The following DACH1 variants were observed in gnomAD, a reference collection of about 807,000 sequenced individuals.
The protein encoded by DACH1 is dachshund family transcription factor 1.
A neutral mutation model predicts 54.2 loss-of-function variants in DACH1; 12 were observed. That is an observed-to-expected ratio of 0.22 (90% CI 0.14 to 0.36). DACH1 has a LOEUF of 0.36. Ranked by LOEUF, DACH1 falls within the 10% of genes least tolerant of loss-of-function variation. DACH1 has a pLI of 1.00. For synonymous variants in DACH1, 386 were observed against 366.2 expected, an observed-to-expected ratio of 1.05 and a Z score of -0.62; for missense variants, 805 against 929.8, an observed-to-expected ratio of 0.87 and a Z score of 1.75.
intron 1 of DACH1, among the ~76,000 whole-genome samples, chr13:71,792,785 C>T (rs1351175927): frequency 6.6e-6 from 1 of 152,088 alleles, no homozygotes; most frequent in Non-Finnish European, 1.5e-5. Context: ...TCTTTGCTCT[C>T]AGTGTTAATA....
intron 2 of DACH1, among the ~76,000 whole-genome samples, chr13:71,632,771 C>A (rs1877207977): frequency 6.6e-6 from 1 of 152,066 alleles, no homozygotes; most frequent in Non-Finnish European, 1.5e-5. Context: ...TGATAATCAC[C>A]CCTTAAAAGG....
chr13:71,663,949 C>T (rs942438545), intron 2 of DACH1, among the ~76,000 whole-genome samples: 5 of 151,870 alleles, frequency 3.3e-5, no homozygotes, highest in African/African-American at 1.2e-4. Flanking sequence ...GGAAACAGTA[C>T]ACTGAGGTTT....
intron 1 of DACH1, among the ~76,000 whole-genome samples, chr13:71,809,139 C>T (rs997011203): frequency 6.6e-6 from 1 of 152,108 alleles, no homozygotes; most frequent in Non-Finnish European, 1.5e-5. Context: ...CTATCTAAAT[C>T]TTTCATGTGA....
chr13:71,552,838 TATATA>T (rs1883953304), intron 6 of DACH1, among the ~76,000 whole-genome samples: 9 of 21,624 alleles, frequency 4.2e-4, no homozygotes, highest in Non-Finnish European at 1.7e-4. Context: ...TATATATATA[TATATA>T]GAGAGAGAGA....
chr13:71,864,175 G>GCA (rs1207375809), intron 1 of DACH1, among the ~76,000 whole-genome samples: 2 of 96,994 alleles, frequency 2.1e-5, no homozygotes, highest in African/African-American at 1.1e-4. Context: ...GCGCGCGCGC[G>GCA]CACATACACA....
chr13:71,576,768 ATC>A (rs1009545082), intron 3 of DACH1, among the ~76,000 whole-genome samples: 1 of 152,108 alleles, frequency 6.6e-6, no homozygotes, highest in African/African-American at 2.4e-5. Flanking sequence ...GTTAACTGTC[ATC>A]TCTGCTTCCC....
intron 1 of DACH1, among the ~76,000 whole-genome samples, chr13:71,772,015 C>G (rs941001978): frequency 6.6e-6 from 1 of 151,392 alleles, no homozygotes; most frequent in Non-Finnish European, 1.5e-5. Context: ...ATTTACTATC[C>G]TTAAAAGGGT....
chr13:71,475,697 C>T lies in DACH1; in HGVS notation c.2014+9G>A. The T allele has an allele frequency of 1.9e-6, 3 of 1,606,798 alleles. No individual in the cohort carries two copies. The highest frequency in any genetic ancestry group is 2.5e-6 in the Non-Finnish European group (3 of 1,177,914). ...ACAGTTATTCATGCAATAATATACA[C>T]CCTCTTACCATTTAAGACCCTGAGA... On this transcript the variant is annotated intron_variant, in intron 9 of 10. Coordinates refer to ENST00000613252, the MANE Select transcript of DACH1 (RefSeq NM_080759.6).
intron 3 of DACH1, among the ~76,000 whole-genome samples, chr13:71,588,415 A>G (rs1376163559): frequency 6.6e-6 from 1 of 152,146 alleles, no homozygotes; most frequent in African/African-American, 2.4e-5. Context: ...CTGGGAGGTA[A>G]AAAGTACCCT....
At chr13:71,777,165 G>A (rs992120580) in intron 1 of DACH1, among the ~76,000 whole-genome samples, 2 of 152,066 alleles carry the variant, frequency 1.3e-5, no homozygotes, top group African/African-American at 4.8e-5. Context: ...GGGAGCTCAG[G>A]AAACATTTCC....
At chr13:71,740,796 A>T (rs1466949289) in intron 1 of DACH1, among the ~76,000 whole-genome samples, 1 of 152,182 alleles carries the variant, frequency 6.6e-6, no homozygotes, top group Non-Finnish European at 1.5e-5. Flanking sequence ...TTATCACATG[A>T]TGATATGATG....
At chr13:71,586,870 ATTT>A (rs1332964405) in intron 3 of DACH1, among the ~76,000 whole-genome samples, 2 of 152,020 alleles carry the variant, frequency 1.3e-5, no homozygotes, top group African/African-American at 2.4e-5. Context: ...GATTATTTTC[ATTT>A]GTATGAGTTG....
intron 4 of DACH1, among the ~76,000 whole-genome samples, chr13:71,566,496 G>T (rs1304187245): frequency 6.6e-6 from 1 of 152,036 alleles, no homozygotes; most frequent in Non-Finnish European, 1.5e-5. Flanking sequence ...GTTATTCTTA[G>T]GATCAGTTTT....
Position 71,866,526 on chromosome 13 carries a change from TGCCGCCGCCGCCGCC to T in DACH1, c.229_243del (p.Gly77_Gly81del), listed in dbSNP as rs748058171. Reference sequence around the variant, plus strand: ...CCGCTGCTGCCGCCGCCGCCTCCGCTGCCGCCGCCGCCGCCGCCGCCGCCGGTAGAGGTGACTGTG... The same window carrying T: ...CCGCTGCTGCCGCCGCCGCCTCCGCTGCCGCCGCCGGTAGAGGTGACTGTG... On this transcript the variant is annotated inframe_deletion, in exon 1 of 11. Transcript: ENST00000613252. 1 of 1,214,084 alleles carries T rather than the reference TGCCGCCGCCGCCGCC, an allele frequency of 8.2e-7. No individual in the cohort carries two copies. Among genetic ancestry groups the T allele is most frequent in the East Asian group, 3.6e-5 (1 of 27,758 alleles). The allele number at this position is 1,214,084 out of a possible 1,614,324, so 75.2% of individuals were successfully genotyped here.
chr13:71,485,543 T>A (rs928380031), intron 7 of DACH1, among the ~76,000 whole-genome samples: 1 of 148,864 alleles, frequency 6.7e-6, no homozygotes, highest in Non-Finnish European at 1.5e-5. Context: ...TTTTTTTCTT[T>A]TTACTTCATT....
At chr13:71,846,599 G>T (rs1873288639) in intron 1 of DACH1, among the ~76,000 whole-genome samples, 1 of 152,194 alleles carries the variant, frequency 6.6e-6, no homozygotes, top group South Asian at 2.1e-4. Flanking sequence ...CACCTCACTC[G>T]GCCTGAGCGA....
chr13:71,485,661 C>CA (rs1472569205), intron 7 of DACH1, among the ~76,000 whole-genome samples: 1 of 139,398 alleles, frequency 7.2e-6, no homozygotes, highest in Non-Finnish European at 1.5e-5. Context: ...CTTGGCTCTG[C>CA]AACCTCTGCC....
intron 2 of DACH1, among the ~76,000 whole-genome samples, chr13:71,643,475 TTTCAAAAGCA>T (rs1294769931): frequency 2.6e-5 from 4 of 152,238 alleles, no homozygotes; most frequent in Non-Finnish European, 4.4e-5. Context: ...GCATTCATCT[TTTCAAAAGCA>T]ATAGATTCTC....
chr13:71,703,708 T>TAA (rs1441620000), intron 1 of DACH1, among the ~76,000 whole-genome samples: 1 of 152,196 alleles, frequency 6.6e-6, no homozygotes, highest in Non-Finnish European at 1.5e-5. Flanking sequence ...GTAAGGAAAC[T>TAA]GCATAGGACT....
Sources: allele counts gnomAD v4.1 joint callset (sites outside exome capture counted in the v4.1 genomes callset), GRCh38; gene constraint gnomAD v4.1.1; transcripts MANE v1.5; gene names NCBI Gene and HGNC (gene_info 2026-07-23, HGNC 2026-07-21).